SMARCA2: variants seen among roughly 807,000 people sequenced by gnomAD.
The protein encoded by SMARCA2 is SWI/SNF-related matrix-associated actin-dependent regulator of chromatin subfamily A member 2.
In SMARCA2, 61 loss-of-function variants were observed where a neutral mutation model predicts 199.8. The ratio of observed to expected loss-of-function variants is 0.31; its 90% CI spans 0.25 to 0.38. The LOEUF (loss-of-function observed/expected upper bound fraction) is 0.38. SMARCA2 is among the 10% of genes least tolerant of loss of function. SMARCA2 has a pLI of 1.00. For synonymous variants in SMARCA2, 935 were observed against 732.0 expected (o/e 1.28, Z -4.48); for missense variants, 1,344 against 2,012.2 (o/e 0.67, Z 6.35).
chr9:2,115,813 C>T lies in SMARCA2; in HGVS notation c.3457-9C>T. 3.1e-6 allele frequency: 5 copies of T among 1,612,676 alleles called. No individual in the cohort carries two copies. Among genetic ancestry groups the T allele is most frequent in the Non-Finnish European group, 3.4e-6 (4 of 1,179,114 alleles). On this transcript the variant is annotated splice_polypyrimidine_tract_variant and intron_variant, in intron 24 of 33. Transcript: ENST00000349721. The surrounding 1 kb of genome is among the most constrained non-coding windows in gnomAD (Gnocchi z 6.0). ...CTCAGTCCTCATAGCATATTGACCC[C>T]CCAAACAGGATCTGCAGGCCCAAGA...
chr9:2,028,904 C>T lies in SMARCA2; in HGVS notation c.-36-83C>T, dbSNP rs931952317. On this transcript the variant is annotated intron_variant, in intron 1 of 33. Transcript: ENST00000349721. ...TTTGATGTTTGTTACAGAAATGGCA[C>T]CATCAAATGCTAACAATTGTTTTAT... 1.0e-5 allele frequency: 12 copies of T among 1,143,806 alleles called. No individual in the cohort carries two copies. In the African/African-American group the frequency reaches 1.4e-4, roughly 14 times the overall value. The allele number at this position is 1,143,806 out of a possible 1,614,324, so 70.9% of individuals were successfully genotyped here.
chr9:2,045,969 A>G (rs887614547), intron 4 of SMARCA2: 2 of 152,086 alleles, frequency 1.3e-5, no homozygotes, highest in Non-Finnish European at 1.5e-5. Flanking sequence ...ATTTAAGCCC[A>G]TTTCTAATTG....
chr9:2,106,513 T>G (rs934914732), intron 23 of SMARCA2, among the ~76,000 whole-genome samples: 1 of 152,208 alleles, frequency 6.6e-6, no homozygotes, highest in African/African-American at 2.4e-5. Flanking sequence ...CAGCCGTTCC[T>G]TTTAAGGGTG....
chr9:2,079,184 G>C (rs930256438), intron 14 of SMARCA2, among the ~76,000 whole-genome samples: 6 of 152,136 alleles, frequency 3.9e-5, no homozygotes, highest in African/African-American at 1.4e-4. Context: ...CAGCACACTT[G>C]GGACTCTGCG....
chr9:2,170,471 AG>A lies in SMARCA2; in HGVS notation c.4253+1del. 6.2e-7 allele frequency: 1 copy of A among 1,614,122 alleles called. No individual in the cohort carries two copies. The highest frequency in any genetic ancestry group is 8.5e-7 in the Non-Finnish European group (1 of 1,179,982). The stretch of plus-strand genomic sequence containing the variant: ...TTCTCAGTTGGAAATAGAAGGAAAC[AG>A]GTCAGGATCTGTCTTGTATTCCCCT... ...SNSQLEIEGN[S>X]SGRQLSEVFI... On this transcript the variant is annotated frameshift_variant and splice_region_variant, in exon 29 of 34. Transcript: ENST00000349721. LOFTEE classifies it high-confidence loss of function. This position sits in a 1 kb window ranked among gnomAD's most constrained non-coding sequence, Gnocchi z 4.7.
chr9:2,085,387 A>T (rs1225725388), intron 17 of SMARCA2, among the ~76,000 whole-genome samples: 1 of 152,242 alleles, frequency 6.6e-6, no homozygotes, highest in Non-Finnish European at 1.5e-5. Flanking sequence ...AAATGGAGCT[A>T]TAGAAAGAGG....
chr9:2,150,122 C>T lies in SMARCA2; in HGVS notation c.3982-11564C>T, dbSNP rs1053440367. ...TGTGTGTGAGTGCAAGGAATTAGAA[C>T]CTCCCTGGGAAGAGCTAGTCATCTC... On this transcript the variant is annotated intron_variant, in intron 27 of 33. Coordinates refer to ENST00000349721, the MANE Select transcript of SMARCA2 (RefSeq NM_003070.5). Among the ~76,000 whole-genome samples the T allele has an allele frequency of 5.3e-5, 8 of 151,576 alleles. 1 individual carries two copies. The highest frequency in any genetic ancestry group is 1.2e-4 in the Non-Finnish European group (8 of 67,736).
chr9:2,143,892 C>A (rs1824585936), intron 27 of SMARCA2, among the ~76,000 whole-genome samples: 1 of 152,214 alleles, frequency 6.6e-6, no homozygotes, highest in Non-Finnish European at 1.5e-5. Context: ...CAAGGGAGAA[C>A]TTCCCCCTTT....
chr9:2,153,284 C>T (rs1310115102), intron 27 of SMARCA2, among the ~76,000 whole-genome samples: 1 of 152,216 alleles, frequency 6.6e-6, no homozygotes, highest in Non-Finnish European at 1.5e-5. Flanking sequence ...CTCCTGTAAT[C>T]CCAACACTTT....
rs12341144 is a variant in SMARCA2, at chr9:2,073,536, C to T, written c.1878-30C>T. ...TGTATTGTAATTTAAAAAACTAAGCCCCCTCCTCTTCCTCACTCTTTTTCC... is the reference window on the plus strand; with the variant it reads ...TGTATTGTAATTTAAAAAACTAAGCTCCCTCCTCTTCCTCACTCTTTTTCC... On this transcript the variant is annotated intron_variant, in intron 11 of 33. Transcript: ENST00000349721. The T allele has an allele frequency of 7.4e-3, 11,802 of 1,584,714 alleles. 732 individuals carry two copies. In the African/African-American group the frequency reaches 0.14, roughly 19 times the overall value.
intron 24 of SMARCA2, among the ~76,000 whole-genome samples, chr9:2,114,418 A>G (rs1823131757): frequency 6.6e-6 from 1 of 152,218 alleles, no homozygotes; most frequent in South Asian, 2.1e-4. Context: ...TTCTTGTGCT[A>G]CAACAGGTGA....
chr9:2,161,938 C>T lies in SMARCA2; in HGVS notation c.4199+35C>T. 6.4e-7 allele frequency: 1 copy of T among 1,563,716 alleles called. No homozygotes were observed. The highest frequency in any genetic ancestry group is 1.7e-4 in the Middle Eastern group (1 of 5,936). The stretch of plus-strand genomic sequence containing the variant: ...TGGTTCCTTCACCTTGATCATCTCT[C>T]ACCAAGACGCCGAGTGGCGCTCCCT... On this transcript the variant is annotated intron_variant, in intron 28 of 33. Coordinates refer to ENST00000349721, the MANE Select transcript of SMARCA2 (RefSeq NM_003070.5). The surrounding 1 kb of genome is among the most constrained non-coding windows in gnomAD (Gnocchi z 4.7).
At chr9:2,147,584 G>A (rs975178007) in intron 27 of SMARCA2, among the ~76,000 whole-genome samples, 13 of 152,190 alleles carry the variant, frequency 8.5e-5, no homozygotes, top group African/African-American at 2.9e-4. Context: ...GGTGGCTCAC[G>A]CCTGTAATCC....
chr9:2,125,169 G>A (rs542223223), intron 27 of SMARCA2, among the ~76,000 whole-genome samples: 77 of 152,294 alleles, frequency 5.1e-4, no homozygotes, highest in African/African-American at 1.8e-3. Flanking sequence ...GACGTGACCT[G>A]AATTTTGAAA....
chr9:2,193,005 G>A lies in SMARCA2; in HGVS notation c.*266G>A, dbSNP rs1186117574. On this transcript the variant is annotated 3_prime_UTR_variant, in exon 34 of 34. Transcript: ENST00000349721. ...AAAAAGCTTTTGATGGAAAATATGT[G>A]GGTGGATAGTATATTTCTATGGGTG... 1 of 436,194 alleles carries A rather than the reference G, an allele frequency of 2.3e-6. No individual in the cohort carries two copies. The highest frequency in any genetic ancestry group is 2.0e-5 in the African/African-American group (1 of 49,368). 27.0% of individuals were successfully genotyped at this position (436,194 alleles called of 1,614,324 possible). A position where few individuals can be genotyped will look rare whatever the true frequency, so the allele number is the denominator to read the frequency against.
Position 2,115,786 on chromosome 9 carries a change from A to G in SMARCA2, c.3457-36A>G. 2.6e-6 allele frequency: 4 copies of G among 1,565,442 alleles called. No homozygotes were observed. The highest frequency in any genetic ancestry group is 3.5e-6 in the Non-Finnish European group (4 of 1,139,354). ...CCGGTTTTGGATGCCTATGCCAGGC[A>G]TCTCAGTCCTCATAGCATATTGACC... On this transcript the variant is annotated intron_variant, in intron 24 of 33. Transcript: ENST00000349721. The surrounding 1 kb of genome is among the most constrained non-coding windows in gnomAD (Gnocchi z 6.0).
intron 18 of SMARCA2, 37 bp downstream of exon 18, chr9:2,087,108 A>G (rs760203586): frequency 6.2e-7 from 1 of 1,611,090 alleles, no homozygotes; most frequent in Non-Finnish European, 8.5e-7. Context: ...ACTGCATGAT[A>G]ATGACATGAA....
At chr9:2,125,996 T>C (rs543934855) in intron 27 of SMARCA2, among the ~76,000 whole-genome samples, 1 of 152,368 alleles carries the variant, frequency 6.6e-6, no homozygotes, top group Non-Finnish European at 1.5e-5. Context: ...TCATTCAGTT[T>C]CTATCCCTGA....
intron 31 of SMARCA2, among the ~76,000 whole-genome samples, chr9:2,184,989 T>C (rs945594408): frequency 5.9e-5 from 9 of 152,156 alleles, no homozygotes; most frequent in African/African-American, 2.2e-4. Flanking sequence ...AATATGTTCC[T>C]AAAGAGCAGG....
Sources: gnomAD v4.1 joint callset for allele counts (sites outside exome capture counted in the v4.1 genomes callset) on GRCh38, gnomAD v4.1.1 for gene constraint, Gnocchi (gnomAD v3.1) non-coding constraint, MANE v1.5 for transcripts, NCBI Gene and HGNC (gene_info 2026-07-23, HGNC 2026-07-21) for gene names.